NTRK3: variants seen among roughly 807,000 people sequenced by gnomAD.
NTRK3 encodes NT-3 growth factor receptor.
In NTRK3, 24 loss-of-function variants were observed where a neutral mutation model predicts 91.7. The observed-to-expected ratio is 0.26, with a 90% CI of 0.19 to 0.37. The LOEUF is 0.37. NTRK3 is among the 10% of genes least tolerant of loss of function. The pLI, the probability that NTRK3 is intolerant of heterozygous loss-of-function variation, is 1.00. For missense variants in NTRK3, 880 were observed against 1,068.9 expected (o/e 0.82, Z 2.46); for synonymous variants, 483 against 404.0 (o/e 1.20, Z -2.34).
At chr15:87,863,453 C>T (rs2141376989) in exon 19 of NTRK3, 1 of 221,682 alleles carries the variant, frequency 4.5e-6, no homozygotes, top group East Asian at 6.6e-5. Flanking sequence ...AGAAATCCCG[C>T]TTATCAAACT....
chr15:87,931,006 G>T (rs2068750159), intron 16 of NTRK3: 1 of 314,878 alleles, frequency 3.2e-6, no homozygotes, highest in Non-Finnish European at 6.2e-6. Context: ...AGAAGGCAAG[G>T]CACTGGCACT....
At chr15:88,223,111 G>A (rs759873188) in intron 3 of NTRK3, among the ~76,000 whole-genome samples, 18 of 152,168 alleles carry the variant, frequency 1.2e-4, no homozygotes, top group African/African-American at 2.9e-4. Flanking sequence ...CTGCGGGCTC[G>A]GGAGGCGGGT....
chr15:87,860,231 G>A (rs529906942), exon 19 of NTRK3: 2 of 220,402 alleles, frequency 9.1e-6, no homozygotes, highest in South Asian at 3.7e-4. Context: ...TGATGGGTAT[G>A]GGGCCGAGAC....
chr15:87,903,354 G>A (rs1000884658), intron 17 of NTRK3, among the ~76,000 whole-genome samples: 1 of 152,194 alleles, frequency 6.6e-6, no homozygotes, highest in Non-Finnish European at 1.5e-5. Context: ...CACGAGACTA[G>A]GGCAACATTC....
chr15:88,135,646 G>A (rs549233237), intron 9 of NTRK3, among the ~76,000 whole-genome samples: 43 of 152,284 alleles, frequency 2.8e-4, no homozygotes, highest in South Asian at 1.0e-3. Flanking sequence ...AGGCAGAATA[G>A]GCCAACTTAG....
intron 13 of NTRK3, among the ~76,000 whole-genome samples, chr15:88,094,380 A>T (rs2049356161): frequency 6.7e-6 from 1 of 149,920 alleles, no homozygotes; most frequent in Admixed American, 6.6e-5. Flanking sequence ...GAGGCAGGAG[A>T]ATGGCGTGAA....
intron 13 of NTRK3, among the ~76,000 whole-genome samples, chr15:88,087,733 A>C (rs1187627503): frequency 6.6e-6 from 1 of 152,210 alleles, no homozygotes; most frequent in Non-Finnish European, 1.5e-5. Flanking sequence ...ATGCAACGTC[A>C]CAACCTCAAA....
intron 3 of NTRK3, among the ~76,000 whole-genome samples, chr15:88,215,228 C>T (rs1006148361): frequency 2.0e-5 from 3 of 152,206 alleles, no homozygotes; most frequent in African/African-American, 4.8e-5. Context: ...GGTTTGTTCA[C>T]GGCTTCCTTG....
chr15:87,979,531 A>C (rs762003207), intron 14 of NTRK3: 6 of 1,078,308 alleles, frequency 5.6e-6, no homozygotes, highest in Non-Finnish European at 8.4e-6. Context: ...ACCCCCAAAG[A>C]AGATCAAAAC....
chr15:88,217,575 G>A (rs963290283), intron 3 of NTRK3, among the ~76,000 whole-genome samples: 9 of 152,132 alleles, frequency 5.9e-5, no homozygotes, highest in African/African-American at 2.2e-4. Flanking sequence ...AGAAAGTGGT[G>A]GTTGCCAGGG....
In NTRK3 at chr15:88,255,948, G is replaced by A; in HGVS notation, c.206C>T (p.Ala69Val). 1 of 1,613,502 alleles carries A rather than the reference G, an allele frequency of 6.2e-7. No individual in the cohort carries two copies. The highest frequency in any genetic ancestry group is 1.3e-5 in the African/African-American group (1 of 74,950). ...TGAGATGTCCGTGATGTTGATACTG[G>A]CGTTCCCATTGCTGTTCCCTGAATC... The change falls in exon 3 of 19, where the codon GCC becomes GTC. Residue 69 changes from alanine to valine, a missense_variant. By Grantham distance (64) the Ala-to-Val change is moderately conservative (BLOSUM62 0). This residue lies in a region of NTRK3 where 743 missense variants were observed against 868.6 expected (regional missense o/e 0.86). Coordinates refer to ENST00000394480, the Ensembl canonical transcript of NTRK3. This position sits in a 1 kb window ranked among gnomAD's most constrained non-coding sequence, Gnocchi z 4.3.
intron 3 of NTRK3, among the ~76,000 whole-genome samples, chr15:88,193,711 C>T (rs756297291): frequency 2.6e-5 from 4 of 152,218 alleles, no homozygotes; most frequent in Admixed American, 6.5e-5. Context: ...CGGCCTCAAC[C>T]TTTCCCACCT....
intron 5 of NTRK3, among the ~76,000 whole-genome samples, chr15:88,183,085 A>G (rs2046651836): frequency 6.9e-6 from 1 of 144,370 alleles, no homozygotes. Flanking sequence ...TCAGAAGTAT[A>G]GTATTCACAT....
chr15:87,994,274 G>A (rs2075514574), intron 14 of NTRK3, among the ~76,000 whole-genome samples: 1 of 152,160 alleles, frequency 6.6e-6, no homozygotes, highest in South Asian at 2.1e-4. Context: ...CATCACCACA[G>A]TACCTCATAT....
At chr15:88,153,735 A>C (rs1032977413) in intron 5 of NTRK3, among the ~76,000 whole-genome samples, 1 of 151,900 alleles carries the variant, frequency 6.6e-6, no homozygotes, top group African/African-American at 2.4e-5. Flanking sequence ...CTCCTCAGAG[A>C]CAGATGTCTT....
chr15:87,901,007 C>CTACT (rs1373510005), intron 17 of NTRK3, among the ~76,000 whole-genome samples: 2 of 152,166 alleles, frequency 1.3e-5, no homozygotes, highest in Non-Finnish European at 1.5e-5. Context: ...ACACAGCCTG[C>CTACT]TACTCTACAA....
At chr15:88,203,942 C>T (rs1460312473) in intron 3 of NTRK3, among the ~76,000 whole-genome samples, 1 of 150,490 alleles carries the variant, frequency 6.6e-6, no homozygotes, top group Non-Finnish European at 1.5e-5. Context: ...TATACATATG[C>T]CATGGTGGTT....
intron 10 of NTRK3, among the ~76,000 whole-genome samples, chr15:88,133,063 T>C (rs1597493211): frequency 6.6e-6 from 1 of 152,160 alleles, no homozygotes; most frequent in African/African-American, 2.4e-5. Context: ...CTGGAATCTC[T>C]GATTCCGTAG....
intron 13 of NTRK3, among the ~76,000 whole-genome samples, chr15:88,040,574 A>T (rs935373799): frequency 1.3e-5 from 2 of 152,218 alleles, no homozygotes; most frequent in African/African-American, 4.8e-5. Flanking sequence ...CTAATGCCCT[A>T]CTGTTGGCTC....
Sources: gnomAD v4.1 joint callset for allele counts (sites outside exome capture counted in the v4.1 genomes callset) on GRCh38, gnomAD v4.1.1 for gene constraint, gnomAD v4.1.1 regional missense constraint, Gnocchi (gnomAD v3.1) non-coding constraint, MANE v1.5 for transcripts, NCBI Gene and HGNC (gene_info 2026-07-23, HGNC 2026-07-21) for gene names.